The following PDE4D variants were observed in gnomAD, a reference collection of about 807,000 sequenced individuals.
PDE4D encodes phosphodiesterase 4D.
PDE4D carries 24 observed loss-of-function variants against 87.4 expected under a neutral mutation model. That is an observed-to-expected ratio of 0.27 (90% confidence interval 0.20 to 0.39). PDE4D has a LOEUF of 0.39. Among genes scored for constraint, PDE4D ranks in the 10% least tolerant of loss-of-function variants. The pLI is 1.00. For missense variants in PDE4D, 714 were observed against 1,041.0 expected (o/e 0.69, Z 4.32); for synonymous variants, 384 against 383.2 (o/e 1.00, Z -0.02).
intron 1 of PDE4D, among the ~76,000 whole-genome samples, chr5:59,791,675 G>A (rs1424336976): frequency 2.6e-5 from 4 of 152,110 alleles, no homozygotes; most frequent in Non-Finnish European, 4.4e-5. Flanking sequence ...GCCCTGTAAG[G>A]GTTAAAAATA....
intron 1 of PDE4D, among the ~76,000 whole-genome samples, chr5:59,864,132 C>T (rs1746674964): frequency 6.6e-6 from 1 of 152,126 alleles, no homozygotes; most frequent in Non-Finnish European, 1.5e-5. Flanking sequence ...GCAGTGCAGT[C>T]ATGGGCATTA....
rs537914325 is a variant in PDE4D at position 59,083,985 on chromosome 5, G to GT, written c.809-45015dup. Reference sequence around the variant, plus strand: ...GCAATTTCAATCAAAATCTTAATGGGTTTTTTTGGGGGGGACTTGACAAGT... The same window carrying GT: ...GCAATTTCAATCAAAATCTTAATGGGTTTTTTTTGGGGGGGACTTGACAAGT... On this transcript the variant is annotated intron_variant, in intron 5 of 14. Coordinates refer to ENST00000340635, the MANE Select transcript of PDE4D (RefSeq NM_001104631.2). Among the ~76,000 whole-genome samples, 13 of 151,966 alleles carry GT rather than the reference G, an allele frequency of 8.6e-5. No individual in the cohort carries two copies. In the East Asian group the frequency reaches 2.1e-3, roughly 25 times the overall value.
At chr5:59,074,029 A>G (rs1032802442) in intron 5 of PDE4D, among the ~76,000 whole-genome samples, 9 of 152,188 alleles carry the variant, frequency 5.9e-5, no homozygotes, top group African/African-American at 1.2e-4. Flanking sequence ...TTCTTATTAT[A>G]TAATTCAATA....
chr5:59,588,437 T>C (rs1456603980), intron 1 of PDE4D, among the ~76,000 whole-genome samples: 1 of 152,190 alleles, frequency 6.6e-6, no homozygotes, highest in Non-Finnish European at 1.5e-5. Context: ...TATACCACTT[T>C]TAACTTAGGT....
intron 1 of PDE4D, among the ~76,000 whole-genome samples, chr5:60,283,427 C>T (rs1199899858): frequency 6.6e-6 from 1 of 152,042 alleles, no homozygotes; most frequent in East Asian, 1.9e-4. Flanking sequence ...ACTGTCTGCT[C>T]CTAATCATTT....
At chr5:60,457,425 T>C (rs1746561311) in intron 1 of PDE4D, among the ~76,000 whole-genome samples, 1 of 152,184 alleles carries the variant, frequency 6.6e-6, no homozygotes, top group South Asian at 2.1e-4. Context: ...CCTTCTCTGC[T>C]TCCTCATGTT....
At chr5:59,082,364 AC>A (rs1252418592) in intron 5 of PDE4D, among the ~76,000 whole-genome samples, 1 of 152,180 alleles carries the variant, frequency 6.6e-6, no homozygotes, top group African/African-American at 2.4e-5. Context: ...AAACAAGAAA[AC>A]CAAATATGCT....
chr5:60,092,369 T>A (rs1293969976), intron 2 of PDE4D, among the ~76,000 whole-genome samples: 1 of 152,112 alleles, frequency 6.6e-6, no homozygotes. Context: ...TAAGTTATAG[T>A]GTTTGATAGT....
chr5:59,038,405 G>A (rs1758939836), intron 6 of PDE4D, among the ~76,000 whole-genome samples: 1 of 152,136 alleles, frequency 6.6e-6, no homozygotes, highest in Non-Finnish European at 1.5e-5. Context: ...CAGTTCTTGC[G>A]GGGTACCCTG....
chr5:59,980,738 G>A (rs186772370), intron 3 of PDE4D, among the ~76,000 whole-genome samples: 1 of 152,276 alleles, frequency 6.6e-6, no homozygotes. Flanking sequence ...AAAGACACTG[G>A]AGTTTAATCA....
At position 60,101,491 on chromosome 5, in the gene PDE4D, C is replaced by T. The variant is rs1028764575; in HGVS notation, c.42+84066G>A. ...AAGTATTTTGAATCTACCTCCAGTG[C>T]GAAGGTAAACGAGTGAATTTCCACT... On this transcript the variant is annotated intron_variant, in intron 2 of 16. Coordinates refer to the PDE4D transcript ENST00000502484. Among the ~76,000 whole-genome samples the T allele has an allele frequency of 5.9e-5, 9 of 151,954 alleles. No individual in the cohort carries two copies. The South Asian group carries it at 6.2e-4, about 11-fold the overall frequency.
At chr5:60,271,005 G>A (rs2149723294) in intron 1 of PDE4D, among the ~76,000 whole-genome samples, 1 of 152,256 alleles carries the variant, frequency 6.6e-6, no homozygotes, top group Non-Finnish European at 1.5e-5. Flanking sequence ...TGGCCATCTA[G>A]CAGAGAGGAA....
At chr5:59,386,599 T>C (rs1213353937) in intron 1 of PDE4D, among the ~76,000 whole-genome samples, 1 of 149,460 alleles carries the variant, frequency 6.7e-6, no homozygotes, top group East Asian at 2.0e-4. Flanking sequence ...GAGGATAGCT[T>C]GAGCCCAGGT....
chr5:59,097,274 C>T (rs1769903154), intron 5 of PDE4D, among the ~76,000 whole-genome samples: 1 of 152,188 alleles, frequency 6.6e-6, no homozygotes, highest in East Asian at 1.9e-4. Context: ...TTTATTTTGA[C>T]TGGTAATACA....
intron 5 of PDE4D, among the ~76,000 whole-genome samples, chr5:59,178,414 G>A (rs1404450302): frequency 6.6e-6 from 1 of 152,066 alleles, no homozygotes; most frequent in East Asian, 1.9e-4. Flanking sequence ...GAGCTTGTGG[G>A]TACGAATGAG....
intron 1 of PDE4D, among the ~76,000 whole-genome samples, chr5:60,272,718 A>G (rs1354186205): frequency 2.0e-5 from 3 of 152,242 alleles, no homozygotes; most frequent in Non-Finnish European, 2.9e-5. Context: ...AATGAAACCT[A>G]GAAAAAAAGA....
chr5:60,058,597 C>T (rs935473707), intron 2 of PDE4D, among the ~76,000 whole-genome samples: 4 of 151,564 alleles, frequency 2.6e-5, no homozygotes, highest in Non-Finnish European at 5.9e-5. Flanking sequence ...ATGAAATAAA[C>T]TTAAAAGCTG....
intron 1 of PDE4D, among the ~76,000 whole-genome samples, chr5:60,276,489 T>C (rs527384502): frequency 1.3e-5 from 2 of 152,156 alleles, no homozygotes; most frequent in East Asian, 1.9e-4. Context: ...CTCTTGTAAG[T>C]AGCAGAGTCT....
chr5:59,683,263 C>G (rs901329832), intron 1 of PDE4D, among the ~76,000 whole-genome samples: 6 of 152,028 alleles, frequency 3.9e-5, no homozygotes, highest in African/African-American at 1.4e-4. Flanking sequence ...ATATGAGAGA[C>G]AGAGATTGAA....
Sources: gnomAD v4.1 joint callset for allele counts (sites outside exome capture counted in the v4.1 genomes callset) on GRCh38, gnomAD v4.1.1 for gene constraint, MANE v1.5 for transcripts, NCBI Gene and HGNC (gene_info 2026-07-23, HGNC 2026-07-21) for gene names.